Variants in AKAP6 observed in about 807,000 individuals in gnomAD.
AKAP6 encodes A-kinase anchoring protein 6.
Under a neutral mutation model 188.5 loss-of-function variants are expected in AKAP6, and 58 were observed. The ratio of observed to expected loss-of-function variants is 0.31; its 90% CI spans 0.25 to 0.38. The LOEUF (loss-of-function observed/expected upper bound fraction) is 0.38. AKAP6 is among the 10% of genes least tolerant of loss of function. The pLI is 1.00. For missense variants in AKAP6, 2,710 were observed against 2,740.0 expected, an observed-to-expected ratio of 0.99 and a Z score of 0.24; for synonymous variants, 989 against 998.6, an observed-to-expected ratio of 0.99 and a Z score of 0.18.
Position 32,354,662 on chromosome 14 carries a change from T to G in AKAP6, c.-35+25254T>G, listed in dbSNP as rs150918969. The stretch of plus-strand genomic sequence containing the variant: ...CTCCCTTGATCTTGCATTCCTTTCT[T>G]ATTGTTATTCTATTTTTCTTTCTCA... On this transcript the variant is annotated intron_variant, in intron 1 of 13. Coordinates refer to ENST00000280979, the MANE Select transcript of AKAP6 (RefSeq NM_004274.5). Among the ~76,000 whole-genome samples the G allele has an allele frequency of 6.0e-4, 91 of 152,336 alleles. 1 individual carries two copies. The highest frequency in any genetic ancestry group is 2.0e-3 in the African/African-American group (85 of 41,576).
intron 2 of AKAP6, among the ~76,000 whole-genome samples, chr14:32,475,456 G>A (rs947850274): frequency 1.3e-5 from 2 of 152,108 alleles, no homozygotes; most frequent in Non-Finnish European, 2.9e-5. Context: ...TTTTAAAGGT[G>A]ATATTTTGGG....
chr14:32,613,457 G>A (rs114166659), intron 7 of AKAP6, among the ~76,000 whole-genome samples: 2,343 of 152,128 alleles, frequency 0.015, 50 homozygotes, highest in African/African-American at 0.048. Flanking sequence ...ATAACTTGAG[G>A]GGCTATGCAT....
At chr14:32,376,616 G>T (rs1407612971) in intron 1 of AKAP6, among the ~76,000 whole-genome samples, 1 of 152,102 alleles carries the variant, frequency 6.6e-6, no homozygotes, top group African/African-American at 2.4e-5. Flanking sequence ...CCAGACAAAA[G>T]AACTATCTGT....
At chr14:32,685,604 C>G (rs564106522) in intron 8 of AKAP6, among the ~76,000 whole-genome samples, 77 of 151,484 alleles carry the variant, frequency 5.1e-4, no homozygotes, top group Admixed American at 3.8e-3. Context: ...GGCGCCTGTA[C>G]TCCCAGCTAC....
chr14:32,502,845 T>C (rs757461822), intron 2 of AKAP6, among the ~76,000 whole-genome samples: 5 of 152,142 alleles, frequency 3.3e-5, no homozygotes, highest in Non-Finnish European at 7.4e-5. Flanking sequence ...CTGATGAACA[T>C]TTAGTCTGTT....
chr14:32,817,485 CTGTGTTTGTG>C (rs1235240106), intron 12 of AKAP6, among the ~76,000 whole-genome samples: 1 of 113,584 alleles, frequency 8.8e-6, no homozygotes, highest in Non-Finnish European at 1.7e-5. Flanking sequence ...GTGTGTGTGT[CTGTGTTTGTG>C]TGTGTGTGTG....
intron 7 of AKAP6, among the ~76,000 whole-genome samples, chr14:32,630,799 T>C (rs1887235263): frequency 6.6e-6 from 1 of 152,088 alleles, no homozygotes; most frequent in Admixed American, 6.6e-5. Flanking sequence ...TAGTAATAGA[T>C]GCTCATTGAA....
At chr14:32,735,596 T>C in intron 10 of AKAP6, 62 bp from the exon 11 acceptor site, 2 of 1,310,498 alleles carry the variant, frequency 1.5e-6, no homozygotes, top group Non-Finnish European at 2.1e-6. Flanking sequence ...GTTTTTTTGT[T>C]GTTCGTGGGG....
At chr14:32,348,045 A>T (rs1887125288) in intron 1 of AKAP6, among the ~76,000 whole-genome samples, 1 of 152,220 alleles carries the variant, frequency 6.6e-6, no homozygotes, top group African/African-American at 2.4e-5. Context: ...CCATGACCCA[A>T]GGGCAGGGGC....
chr14:32,684,927 G>C (rs1400033721), intron 8 of AKAP6, among the ~76,000 whole-genome samples: 1 of 152,152 alleles, frequency 6.6e-6, no homozygotes, highest in Non-Finnish European at 1.5e-5. Context: ...ATTCAGTGTA[G>C]TGAGAGAGAG....
rs745590868 is a variant in AKAP6, at chr14:32,545,598, C to T, written c.945C>T (p.Val315=). The change falls in exon 4 of 14, where the codon GTC becomes GTT. Residue 315 remains valine (V), a synonymous_variant. Transcript: ENST00000280979. ...GTGAGGAAGACAATGCTTCTGCAGT[C>T]GAAGAGCAACCAGGCTTAACACTGG... is the stretch of plus-strand genomic sequence containing the variant. ...GGCEEDNASA[V]EEQPGLTLGV... 8.7e-6 allele frequency: 14 copies of T among 1,614,034 alleles called. No homozygotes were observed. Among genetic ancestry groups the T allele is most frequent in the Middle Eastern group, 1.6e-4 (1 of 6,084 alleles).
chr14:32,429,633 TA>T (rs1342115915), intron 1 of AKAP6, among the ~76,000 whole-genome samples: 1 of 152,238 alleles, frequency 6.6e-6, no homozygotes, highest in Non-Finnish European at 1.5e-5. Context: ...TAATGACACA[TA>T]TACCATTCTT....
chr14:32,732,251 T>C (rs1438371241), intron 9 of AKAP6, among the ~76,000 whole-genome samples: 1 of 147,092 alleles, frequency 6.8e-6, no homozygotes, highest in Non-Finnish European at 1.5e-5. Context: ...CAACTAAATG[T>C]AATAACTGTG....
chr14:32,744,001 G>C (rs1594901848), intron 11 of AKAP6, among the ~76,000 whole-genome samples: 1 of 152,032 alleles, frequency 6.6e-6, no homozygotes, highest in South Asian at 2.1e-4. Flanking sequence ...TGTTTGTTTG[G>C]GAAAGTCTCT....
chr14:32,773,800 G>A lies in AKAP6; in HGVS notation c.3495G>A (p.Leu1165=). The A allele has an allele frequency of 1.2e-6, 2 of 1,614,090 alleles. No individual in the cohort carries two copies. The highest frequency in any genetic ancestry group is 1.7e-6 in the Non-Finnish European group (2 of 1,179,988). The change falls in exon 12 of 14, where the codon CTG becomes CTA. Residue 1165 remains leucine, a synonymous_variant. Coordinates refer to ENST00000280979, the MANE Select transcript of AKAP6 (RefSeq NM_004274.5). ...NLNADHQPMQ[L]IIVNLERRWE... ...ATGCAGACCACCAGCCCATGCAGCT[G>A]ATCATTGTAAATCTTGAAAGAAGGT... is the stretch of plus-strand genomic sequence containing the variant.
At chr14:32,561,906 G>C (rs1401018134) in intron 4 of AKAP6, among the ~76,000 whole-genome samples, 2 of 152,216 alleles carry the variant, frequency 1.3e-5, no homozygotes, top group Non-Finnish European at 2.9e-5. Context: ...TGAGGCTTGT[G>C]CTCTGTTCAG....
At chr14:32,469,832 G>A (rs1878674885) in intron 2 of AKAP6, among the ~76,000 whole-genome samples, 1 of 151,830 alleles carries the variant, frequency 6.6e-6, no homozygotes, top group Non-Finnish European at 1.5e-5. Context: ...GAAAGATTAT[G>A]CCTTCAGTTA....
intron 12 of AKAP6, among the ~76,000 whole-genome samples, chr14:32,779,650 A>G (rs916180365): frequency 1.3e-5 from 2 of 152,200 alleles, no homozygotes; most frequent in African/African-American, 4.8e-5. Context: ...GCTCTAAAAC[A>G]GAGCTTTAAA....
rs142825796 is a variant in AKAP6, at chr14:32,431,750, G to A, written c.-34-1710G>A. Among the ~76,000 whole-genome samples the A allele has an allele frequency of 6.2e-3, 940 of 152,306 alleles. 10 individuals carry two copies. The highest frequency in any genetic ancestry group is 0.021 in the African/African-American group (888 of 41,572). The stretch of plus-strand genomic sequence containing the variant: ...GCAGGCCTCGAACTCCTGACCTCAG[G>A]TGATCTGCCTGCCTCGGCCTCCCAA... On this transcript the variant is annotated intron_variant, in intron 1 of 13. Coordinates refer to ENST00000280979, the MANE Select transcript of AKAP6 (RefSeq NM_004274.5).
Sources: allele counts gnomAD v4.1 joint callset (sites outside exome capture counted in the v4.1 genomes callset), GRCh38; gene constraint gnomAD v4.1.1; transcripts MANE v1.5; gene names NCBI Gene and HGNC (gene_info 2026-07-23, HGNC 2026-07-21).